The following CPA6 variants were observed in gnomAD, a reference collection of about 807,000 sequenced individuals.
CPA6 encodes carboxypeptidase B.
A neutral mutation model predicts 63.3 loss-of-function variants in CPA6; 58 were observed. The observed-to-expected ratio is 0.92, with a 90% CI of 0.74 to 1.14. The LOEUF is 1.14. CPA6 is among the 50% of genes most tolerant of loss of function. CPA6 has a pLI of 0.00. For missense variants in CPA6, 565 were observed against 526.6 expected (o/e 1.07, Z -0.71); for synonymous variants, 185 against 179.0 (o/e 1.03, Z -0.27).
Position 67,465,398 on chromosome 8 carries a change from GTAGAGTCTT to G in CPA6, c.838+18361_838+18369del, listed in dbSNP as rs557776333. ...GTTTATCAGTTCCAGGATGCTTTTG[GTAGAGTCTT>G]TAGAGTTTTCTAGGTATAGAATCAC... On this transcript the variant is annotated intron_variant, in intron 8 of 10. Transcript: ENST00000297770. Among the ~76,000 whole-genome samples the G allele has an allele frequency of 1.4e-4, 21 of 152,268 alleles. No individual in the cohort carries two copies. The South Asian group carries it at 3.1e-3, about 23-fold the overall frequency.
intron 3 of CPA6, among the ~76,000 whole-genome samples, chr8:67,517,332 C>A (rs1012155043): frequency 6.6e-6 from 1 of 152,138 alleles, no homozygotes; most frequent in African/African-American, 2.4e-5. Flanking sequence ...ACTCCCTCTT[C>A]CCTGGACTAG....
intron 2 of CPA6, among the ~76,000 whole-genome samples, chr8:67,538,825 A>G (rs1202911240): frequency 6.6e-6 from 1 of 151,716 alleles, no homozygotes; most frequent in Non-Finnish European, 1.5e-5. Flanking sequence ...ATGCCCGGCT[A>G]ATTTTTTGTA....
chr8:67,448,656 G>GAAAAAAAAAAAAAAAAAAAAAAAAAAAAA (rs1810485855), intron 8 of CPA6, among the ~76,000 whole-genome samples: 1 of 68,796 alleles, frequency 1.5e-5, no homozygotes, highest in African/African-American at 8.9e-5. Context: ...AAAAAAAAAG[G>GAAAAAAAAAAAAAAAAAAAAAAAAAAAAA]AAAGAACGAA....
At chr8:67,696,719 A>C (rs759744396) in intron 1 of CPA6, among the ~76,000 whole-genome samples, 6 of 151,672 alleles carry the variant, frequency 4.0e-5, no homozygotes, top group Non-Finnish European at 7.4e-5. Flanking sequence ...ATGAACTACA[A>C]ACCATCAAAC....
At chr8:67,668,017 G>A (rs77403239) in intron 1 of CPA6, among the ~76,000 whole-genome samples, 2,074 of 152,276 alleles carry the variant, frequency 0.014, 36 homozygotes, top group African/African-American at 0.044. Context: ...TTGGGCTGGT[G>A]CTGGTCACAC....
At chr8:67,606,536 C>G (rs998784050) in intron 2 of CPA6, among the ~76,000 whole-genome samples, 3 of 152,102 alleles carry the variant, frequency 2.0e-5, no homozygotes, top group Non-Finnish European at 1.5e-5. Flanking sequence ...CCCCCTGCAG[C>G]CTCCCTTTTA....
Position 67,680,489 on chromosome 8 carries a change from T to A in CPA6, c.117-56238A>T, listed in dbSNP as rs1470171578. Among the ~76,000 whole-genome samples, 195 of 132,654 alleles carry A rather than the reference T, an allele frequency of 1.5e-3. 1 individual carries two copies. The highest frequency in any genetic ancestry group is 4.5e-4 in the Non-Finnish European group (28 of 61,858). The allele number at this position is 132,654 out of a possible 152,430, so 87.0% of individuals were successfully genotyped here. On this transcript the variant is annotated intron_variant, in intron 1 of 10. Coordinates refer to ENST00000297770, the MANE Select transcript of CPA6 (RefSeq NM_020361.5). ...GCAATGGAGTGAGACCCTCTGTATT[T>A]AAAAAAAAAAAAAAAAGCTTTTCTC...
chr8:67,591,484 C>T lies in CPA6; in HGVS notation c.192+32692G>A, dbSNP rs531839773. 9.1e-4 allele frequency among the ~76,000 whole-genome samples: 138 copies of T among 152,136 alleles called. 2 individuals are homozygous for T. The highest frequency in any genetic ancestry group is 1.7e-3 in the South Asian group (8 of 4,826). On this transcript the variant is annotated intron_variant, in intron 2 of 10. Transcript: ENST00000297770. ...CTATAAATTACCTTGGGCAGTATGG[C>T]CATTTTCATGATATTGATTCTTCCT...
intron 1 of CPA6, among the ~76,000 whole-genome samples, chr8:67,655,038 T>G (rs1043332586): frequency 7.9e-5 from 12 of 152,202 alleles, no homozygotes; most frequent in African/African-American, 2.9e-4. Context: ...ACAGGCATTC[T>G]TTGAATGTTA....
chr8:67,431,408 T>C (rs112016465), intron 9 of CPA6, among the ~76,000 whole-genome samples: 1,702 of 151,986 alleles, frequency 0.011, 39 homozygotes, highest in African/African-American at 0.039. Context: ...GCCCGGCTAA[T>C]TTTTGTATTT....
chr8:67,557,544 G>A (rs1241036788), intron 2 of CPA6, among the ~76,000 whole-genome samples: 1 of 152,124 alleles, frequency 6.6e-6, no homozygotes, highest in Non-Finnish European at 1.5e-5. Flanking sequence ...CAGCAACACT[G>A]TACAGCTTCA....
At chr8:67,449,213 C>T (rs1399378418) in intron 8 of CPA6, among the ~76,000 whole-genome samples, 4 of 152,160 alleles carry the variant, frequency 2.6e-5, no homozygotes, top group Non-Finnish European at 5.9e-5. Context: ...GATCATGCCA[C>T]TGCACTCCAG....
At chr8:67,688,565 T>C (rs1381531757) in intron 1 of CPA6, among the ~76,000 whole-genome samples, 9 of 152,180 alleles carry the variant, frequency 5.9e-5, no homozygotes, top group Admixed American at 5.9e-4. Flanking sequence ...AAGGGAATCG[T>C]ATTGCAGGCT....
rs374660355 is a variant in CPA6, at chr8:67,427,244, C to T, written c.1126+803G>A. Among the ~76,000 whole-genome samples, 4 of 152,072 alleles carry T rather than the reference C, an allele frequency of 2.6e-5. No individual in the cohort carries two copies. In the East Asian group the frequency reaches 7.7e-4, roughly 29 times the overall value. On this transcript the variant is annotated intron_variant, in intron 10 of 10. Coordinates refer to ENST00000297770, the MANE Select transcript of CPA6 (RefSeq NM_020361.5). Reference sequence around the variant, plus strand: ...CTTATCTTCCATTGGTTTTACATACCCCCTATTTATTTCCTAGTGACTCCC... The same window carrying T: ...CTTATCTTCCATTGGTTTTACATACTCCCTATTTATTTCCTAGTGACTCCC...
intron 6 of CPA6, among the ~76,000 whole-genome samples, chr8:67,489,901 A>G (rs2128962145): frequency 6.6e-6 from 1 of 152,340 alleles, no homozygotes; most frequent in East Asian, 1.9e-4. Context: ...ATATTAATCA[A>G]AGAAGCTGTT....
chr8:67,558,057 A>G (rs931809862), intron 2 of CPA6, among the ~76,000 whole-genome samples: 1 of 152,158 alleles, frequency 6.6e-6, no homozygotes, highest in Non-Finnish European at 1.5e-5. Context: ...CTCAGACTGC[A>G]TATCTTACTT....
At chr8:67,716,303 T>G (rs1024572155) in intron 1 of CPA6, among the ~76,000 whole-genome samples, 1 of 151,774 alleles carries the variant, frequency 6.6e-6, no homozygotes, top group African/African-American at 2.4e-5. Context: ...AGTCACAGAA[T>G]GAGATAGGTC....
chr8:67,730,970 GA>G (rs1817694683), intron 1 of CPA6, among the ~76,000 whole-genome samples: 1 of 152,206 alleles, frequency 6.6e-6, no homozygotes, highest in African/African-American at 2.4e-5. Context: ...CCATTCTTAA[GA>G]AATCATTATT....
At chr8:67,433,450 A>C (rs922511099) in intron 9 of CPA6, among the ~76,000 whole-genome samples, 1 of 152,232 alleles carries the variant, frequency 6.6e-6, no homozygotes, top group Non-Finnish European at 1.5e-5. Flanking sequence ...ATTTTTAAGT[A>C]ATCTTATGCC....
Sources: allele counts gnomAD v4.1 joint callset (sites outside exome capture counted in the v4.1 genomes callset), GRCh38; gene constraint gnomAD v4.1.1; transcripts MANE v1.5; gene names NCBI Gene and HGNC (gene_info 2026-07-23, HGNC 2026-07-21).